The following NAALADL2 variants were observed in gnomAD, a reference collection of about 807,000 sequenced individuals.
NAALADL2 encodes N-acetylated alpha-linked acidic dipeptidase like 2.
In NAALADL2, 76 loss-of-function variants were observed where a neutral mutation model predicts 87.2. The ratio of observed to expected loss-of-function variants is 0.87; its 90% CI spans 0.72 to 1.05. The LOEUF (loss-of-function observed/expected upper bound fraction) is 1.05. NAALADL2 is among the 50% of genes least tolerant of loss of function. NAALADL2 has a pLI of 0.00. For synonymous variants in NAALADL2, 354 were observed against 331.0 expected, an observed-to-expected ratio of 1.07 and a Z score of -0.75; for missense variants, 1,089 against 945.8, an observed-to-expected ratio of 1.15 and a Z score of -1.99.
chr3:174,557,937 G>A (rs1373646910), intron 2 of NAALADL2, among the ~76,000 whole-genome samples: 1 of 152,164 alleles, frequency 6.6e-6, no homozygotes. Context: ...GACATCAAAT[G>A]TGAAATGTTA....
At chr3:174,950,908 A>G (rs1018801372) in intron 1 of NAALADL2, among the ~76,000 whole-genome samples, 1 of 152,066 alleles carries the variant, frequency 6.6e-6, no homozygotes, top group African/African-American at 2.4e-5. Flanking sequence ...CTATCTCTTT[A>G]TTCATCTATG....
At chr3:174,635,341 A>G (rs1017062389) in intron 2 of NAALADL2, among the ~76,000 whole-genome samples, 2 of 152,316 alleles carry the variant, frequency 1.3e-5, no homozygotes, top group Non-Finnish European at 2.9e-5. Context: ...TGTTCTCTGT[A>G]GCTTTGAAAG....
At chr3:174,547,010 T>C (rs1722814790) in intron 1 of NAALADL2, among the ~76,000 whole-genome samples, 1 of 152,300 alleles carries the variant, frequency 6.6e-6, no homozygotes, top group Admixed American at 6.5e-5. Flanking sequence ...AAGATGTATT[T>C]AACTAGAAAT....
In NAALADL2 at chr3:174,854,277, C is replaced by T. The variant is rs139754334; in HGVS notation, c.-9+116531C>T. Among the ~76,000 whole-genome samples, 595 of 152,078 alleles carry T rather than the reference C, an allele frequency of 3.9e-3. 3 individuals carry two copies. Among genetic ancestry groups the T allele is most frequent in the African/African-American group, 0.014 (576 of 41,482 alleles). On this transcript the variant is annotated intron_variant, in intron 3 of 3. Coordinates refer to the NAALADL2 transcript ENST00000434257. ...ATTATGTTAAATGAAATAAGCCAGG[C>T]ACAGAAAGATAAATATTGCATGTTC...
At chr3:174,945,055 C>T (rs770522525) in intron 1 of NAALADL2, among the ~76,000 whole-genome samples, 56 of 152,232 alleles carry the variant, frequency 3.7e-4, no homozygotes, top group Non-Finnish European at 2.5e-4. Flanking sequence ...TTGGCTACCC[C>T]CTCCCCATCT....
chr3:175,278,549 T>C (rs1051059044), intron 4 of NAALADL2, among the ~76,000 whole-genome samples: 1 of 152,204 alleles, frequency 6.6e-6, no homozygotes, highest in African/African-American at 2.4e-5. Flanking sequence ...TGTCAACTTT[T>C]TGGATGATTT....
chr3:174,650,164 G>A (rs548269725), intron 2 of NAALADL2, among the ~76,000 whole-genome samples: 4 of 152,164 alleles, frequency 2.6e-5, no homozygotes, highest in East Asian at 1.9e-4. Flanking sequence ...CAGGGATTGG[G>A]TAGAAGATTT....
At chr3:174,878,883 T>C (rs888948631) in intron 1 of NAALADL2, among the ~76,000 whole-genome samples, 1 of 152,048 alleles carries the variant, frequency 6.6e-6, no homozygotes, top group Non-Finnish European at 1.5e-5. Flanking sequence ...AGAATGTGTA[T>C]AGTGAAGAAG....
intron 13 of NAALADL2, among the ~76,000 whole-genome samples, chr3:175,787,934 T>C (rs1752287425): frequency 6.6e-6 from 1 of 152,106 alleles, no homozygotes; most frequent in Non-Finnish European, 1.5e-5. Flanking sequence ...ATAAATTTAG[T>C]ATAGCCTAAG....
chr3:175,367,709 T>A, intron 5 of NAALADL2, among the ~76,000 whole-genome samples: 1 of 152,182 alleles, frequency 6.6e-6, no homozygotes, highest in Non-Finnish European at 1.5e-5. Context: ...GGATTTTGTA[T>A]CCTGAAACTT....
At chr3:175,697,747 A>C (rs1047402294) in intron 11 of NAALADL2, among the ~76,000 whole-genome samples, 1 of 148,274 alleles carries the variant, frequency 6.7e-6, no homozygotes, top group African/African-American at 2.5e-5. Context: ...TTACATACAC[A>C]CACATGTAAA....
intron 1 of NAALADL2, among the ~76,000 whole-genome samples, chr3:174,909,050 C>G (rs1733344748): frequency 6.6e-6 from 1 of 151,752 alleles, no homozygotes; most frequent in South Asian, 2.1e-4. Flanking sequence ...GCTATTTCAT[C>G]TTAACTGAAT....
At chr3:175,745,731 T>A (rs1383799286) in intron 12 of NAALADL2, among the ~76,000 whole-genome samples, 1 of 152,102 alleles carries the variant, frequency 6.6e-6, no homozygotes, top group Non-Finnish European at 1.5e-5. Context: ...CAGAGGAAGG[T>A]ATCAAAAACA....
chr3:174,556,034 A>C (rs1712774170), intron 2 of NAALADL2, among the ~76,000 whole-genome samples: 1 of 150,910 alleles, frequency 6.6e-6, no homozygotes, highest in African/African-American at 2.4e-5. Flanking sequence ...TGTTTCTTCT[A>C]GTACTATCTA....
chr3:174,486,840 CCTT>C (rs944495442), intron 1 of NAALADL2, among the ~76,000 whole-genome samples: 1 of 151,948 alleles, frequency 6.6e-6, no homozygotes, highest in Non-Finnish European at 1.5e-5. Flanking sequence ...ATATAATACT[CCTT>C]CTCTCATTTT....
chr3:174,501,677 T>C (rs564684729), intron 1 of NAALADL2, among the ~76,000 whole-genome samples: 1 of 152,280 alleles, frequency 6.6e-6, no homozygotes, highest in African/African-American at 2.4e-5. Context: ...TTGTAGAATG[T>C]ATTGGCTTAA....
intron 6 of NAALADL2, among the ~76,000 whole-genome samples, chr3:175,459,302 TGAAA>T (rs1722768142): frequency 6.6e-6 from 1 of 151,744 alleles, no homozygotes; most frequent in Non-Finnish European, 1.5e-5. Flanking sequence ...ATAAGATAAC[TGAAA>T]GAAATATAGT....
intron 2 of NAALADL2, among the ~76,000 whole-genome samples, chr3:174,683,630 GT>G (rs1727762605): frequency 3.4e-3 from 1 of 294 alleles, no homozygotes; most frequent in Non-Finnish European, 5.9e-3. Context: ...AGAACTTCTG[GT>G]GTGTGTGTGT....
At chr3:175,283,387 A>G (rs1289901736) in intron 4 of NAALADL2, among the ~76,000 whole-genome samples, 2 of 152,032 alleles carry the variant, frequency 1.3e-5, no homozygotes, top group African/African-American at 2.4e-5. Flanking sequence ...AGAATTTGTG[A>G]AATTAACAGT....
Sources: gnomAD v4.1 joint callset for allele counts (sites outside exome capture counted in the v4.1 genomes callset) on GRCh38, gnomAD v4.1.1 for gene constraint, MANE v1.5 for transcripts, NCBI Gene and HGNC (gene_info 2026-07-23, HGNC 2026-07-21) for gene names.